KRI1: variants seen among roughly 807,000 people sequenced by gnomAD.
KRI1 encodes the protein protein KRI1 homolog.
In KRI1, 83 loss-of-function variants were observed where a neutral mutation model predicts 97.0. That is an observed-to-expected ratio of 0.86 (90% confidence interval 0.72 to 1.03). The LOEUF (loss-of-function observed/expected upper bound fraction) is 1.03. Among genes scored for constraint, KRI1 ranks in the 50% least tolerant of loss-of-function variants. The pLI is 0.00. For synonymous variants in KRI1, 371 were observed against 363.5 expected (o/e 1.02, Z -0.23); for missense variants, 916 against 928.4 (o/e 0.99, Z 0.17).
rs770838994 is a variant in KRI1 at position 10,559,459 on chromosome 19, A to AG, written c.1093dup (p.Leu365ProfsTer21). 1.2e-5 allele frequency: 19 copies of AG among 1,613,810 alleles called. No individual in the cohort carries two copies. The highest frequency in any genetic ancestry group is 1.5e-5 in the Non-Finnish European group (18 of 1,179,986). On this transcript the variant is annotated frameshift_variant, in exon 12 of 19. Transcript: ENST00000312962. LOFTEE classifies it high-confidence loss of function. ...GCCTGTTACTTTCCGCAGCTTCTCC[A>AG]GCTTGGCCAGAATCTCCTTCCTCTT...
At position 10,557,866 on chromosome 19, in the gene KRI1, C is replaced by T. The variant is rs775057384; in HGVS notation, c.1389G>A (p.Pro463=). The T allele has an allele frequency of 8.7e-6, 14 of 1,613,616 alleles. 1 individual carries two copies. Among genetic ancestry groups the T allele is most frequent in the East Asian group, 6.7e-5 (3 of 44,880 alleles). Residue 463 remains proline, a synonymous_variant, in exon 15 of 19, where the codon CCG becomes CCA. Coordinates refer to ENST00000312962, the MANE Select transcript of KRI1 (RefSeq NM_023008.5). ...NMDADYDPSQ[P]RKKKREAPLT... Reference sequence around the variant, plus strand: ...AGGGGGCCTCGCGCTTTTTCTTCCTCGGCTGGCTGGGGTCGTAGTCGGCGT... The same window carrying T: ...AGGGGGCCTCGCGCTTTTTCTTCCTTGGCTGGCTGGGGTCGTAGTCGGCGT...
Position 10,562,791 on chromosome 19 carries a change from C to A in KRI1, c.321G>T (p.Gln107His). 1 of 1,613,734 alleles carries A rather than the reference C, an allele frequency of 6.2e-7. No homozygotes were observed. Among genetic ancestry groups the A allele is most frequent in the Non-Finnish European group, 8.5e-7 (1 of 1,179,648 alleles). The change falls in exon 4 of 19, where the codon CAG (glutamine) becomes CAT (histidine). Residue 107 changes from glutamine (Q) to histidine (H), a missense_variant. Physicochemically the swap from Gln to His is conservative, Grantham distance 24. Transcript: ENST00000312962. ...TCAGGTACATGGGCCGCACTTTCTT[C>A]TGCTTCTCCAAGGCTTCTGGGTCCT... ...SEEDPEALEK[Q>H]KKVRPMYLKD...
intron 12 of KRI1, among the ~76,000 whole-genome samples, chr19:10,558,621 C>A (rs1159632728): frequency 6.6e-6 from 1 of 152,108 alleles, no homozygotes; most frequent in African/African-American, 2.4e-5. Flanking sequence ...CGGCTCACTG[C>A]AACCCTTGCC....
rs1389781152 is a variant in KRI1 at position 10,565,977 on chromosome 19, G to A, written c.23C>T (p.Ser8Leu). MPEPRGSSQLRVNAAFAA... is the reference protein window; with the variant it reads MPEPRGSLQLRVNAAFAA... ...AAACGCCGCGTTCACCCGCAGCTGCGACGACCCGCGCGGTTCCGGCATGGC... is the reference window on the plus strand; with the variant it reads ...AAACGCCGCGTTCACCCGCAGCTGCAACGACCCGCGCGGTTCCGGCATGGC... Residue 8 changes from serine (S) to leucine (L), a missense_variant, in exon 1 of 19, where the codon TCG becomes TTG. This residue lies in a region of KRI1 where 173 missense variants were observed against 153.1 expected (regional missense o/e 1.13). Transcript: ENST00000312962. The A allele has an allele frequency of 5.9e-6, 9 of 1,524,828 alleles. No homozygotes were observed. The highest frequency in any genetic ancestry group is 1.4e-5 in the African/African-American group (1 of 70,294). 94.5% of individuals were successfully genotyped at this position (1,524,828 alleles called of 1,614,324 possible).
chr19:10,565,050 G>C lies in KRI1; in HGVS notation c.169-16C>G. 2 of 1,538,488 alleles carry C rather than the reference G, an allele frequency of 1.3e-6. No homozygotes were observed. Among genetic ancestry groups the C allele is most frequent in the Non-Finnish European group, 1.8e-6 (2 of 1,111,182 alleles). On this transcript the variant is annotated splice_polypyrimidine_tract_variant and intron_variant, in intron 2 of 18. Transcript: ENST00000312962. ...GATCAAATTCCTAGGGCAGGAAAAG[G>C]GTTGGGGATAGATTTCAGAAGGGAG... is the stretch of plus-strand genomic sequence containing the variant.
chr19:10,559,884 C>G lies in KRI1; in HGVS notation c.853G>C (p.Glu285Gln), dbSNP rs1322036669. 2 of 1,613,496 alleles carry G rather than the reference C, an allele frequency of 1.2e-6. No homozygotes were observed. The highest frequency in any genetic ancestry group is 1.7e-6 in the Non-Finnish European group (2 of 1,179,960). ...TCCTCCTGTTTCTTCAGAAACAGCTCCCCTTCGTCTGAGGAGTCGTCCACA... is the reference window on the plus strand; with the variant it reads ...TCCTCCTGTTTCTTCAGAAACAGCTGCCCTTCGTCTGAGGAGTCGTCCACA... ...LAVDDSSDEG[E>Q]LFLKKQEDFE... is the part of the protein sequence containing the mutation. The change falls in exon 10 of 19, where the codon GAG becomes CAG. Residue 285 changes from glutamate to glutamine, a missense_variant. By Grantham distance (29) the Glu-to-Gln change is conservative. This residue lies in a region of KRI1 where 672 missense variants were observed against 667.2 expected (regional missense o/e 1.01). Transcript: ENST00000312962.
chr19:10,555,226 C>T (rs747838728), intron 17 of KRI1, 41 bp from the exon 18 acceptor site: 3 of 1,613,050 alleles, frequency 1.9e-6, no homozygotes, highest in Non-Finnish European at 2.5e-6. Flanking sequence ...CTGGGAAGTG[C>T]CCGAGGCTGC....
Position 10,554,166 on chromosome 19 carries a change from C to G in KRI1, c.1897G>C (p.Glu633Gln), listed in dbSNP as rs144553520. 1.3e-4 allele frequency: 214 copies of G among 1,613,990 alleles called. 2 individuals are homozygous for G. The East Asian group carries it at 4.5e-3, about 34-fold the overall frequency. The change falls in exon 19 of 19, where the codon GAA (glutamate) becomes CAA (glutamine). Residue 633 changes from glutamate to glutamine, a missense_variant. Transcript: ENST00000312962. ...TGGGGTGATACAGGGGCTTCCTCTT[C>G]CTGTGCTGGGGGACTCTCCGGCCCC... Reference protein sequence around the residue: ...LMGPESPPAQEEEAPVSPHKK... With the variant: ...LMGPESPPAQQEEAPVSPHKK...
intron 17 of KRI1, 50 bp from the exon 18 acceptor site, chr19:10,555,235 G>GCCCGCCCTGCCCGCAGCGCACCTGGC (rs369389358): frequency 1.7e-5 from 6 of 359,640 alleles, no homozygotes; most frequent in African/African-American, 1.0e-4. Flanking sequence ...GCCCGAGGCT[G>GCCCGCCCTGCCCGCAGCGCACCTGGC]CCCGCCCTGC....
intron 12 of KRI1, 109 bp from the exon 13 acceptor site, chr19:10,558,348 G>C (rs979592910): frequency 3.9e-6 from 4 of 1,022,622 alleles, no homozygotes; most frequent in Middle Eastern, 2.3e-4. Flanking sequence ...CCTACAGCTA[G>C]GGCTCCCTAC....
Sources: allele counts gnomAD v4.1 joint callset (sites outside exome capture counted in the v4.1 genomes callset), GRCh38; gene constraint gnomAD v4.1.1; regional missense constraint gnomAD v4.1.1; transcripts MANE v1.5; gene names NCBI Gene and HGNC (gene_info 2026-07-23, HGNC 2026-07-21).